Variants in DLC1 observed in about 807,000 individuals in gnomAD.
DLC1 encodes the protein rho GTPase-activating protein 7.
Under a neutral mutation model 140.3 loss-of-function variants are expected in DLC1, and 54 were observed. The observed-to-expected ratio is 0.38, with a 90% confidence interval of 0.31 to 0.48. The LOEUF (loss-of-function observed/expected upper bound fraction) is 0.48. DLC1 is among the 20% of genes least tolerant of loss of function. DLC1 has a pLI of 0.96. For missense variants in DLC1, 2,536 were observed against 1,907.0 expected (o/e 1.33, Z -6.14); for synonymous variants, 986 against 728.1 (o/e 1.35, Z -5.70).
At chr8:13,272,525 G>C (rs1830978135) in intron 5 of DLC1, among the ~76,000 whole-genome samples, 1 of 152,064 alleles carries the variant, frequency 6.6e-6, no homozygotes, top group African/African-American at 2.4e-5. Context: ...AACGTTTTTA[G>C]TTGAGTTAAA....
intron 4 of DLC1, among the ~76,000 whole-genome samples, chr8:13,364,254 C>T (rs1835378334): frequency 1.3e-5 from 2 of 151,566 alleles, no homozygotes; most frequent in African/African-American, 4.9e-5. Flanking sequence ...GCTCCCTCTT[C>T]GTAGTTAAAG....
chr8:13,276,220 A>G, intron 5 of DLC1: 1 of 1,530,622 alleles, frequency 6.5e-7, no homozygotes, highest in South Asian at 1.2e-5. Context: ...TTTCTTTTTA[A>G]TACCCCTCAC....
chr8:13,525,166 G>A (rs1268340658), intron 1 of DLC1, among the ~76,000 whole-genome samples: 1 of 152,104 alleles, frequency 6.6e-6, no homozygotes, highest in Admixed American at 6.6e-5. Context: ...GCATGTATCT[G>A]TCCTTTTTAC....
At chr8:13,172,880 A>G (rs554931987) in intron 5 of DLC1, among the ~76,000 whole-genome samples, 1 of 152,312 alleles carries the variant, frequency 6.6e-6, no homozygotes, top group African/African-American at 2.4e-5. Context: ...CTTTTCTGCC[A>G]TTAATTTCTG....
chr8:13,322,493 A>AGC (rs1833164297), intron 4 of DLC1, among the ~76,000 whole-genome samples: 1 of 39,210 alleles, frequency 2.6e-5, no homozygotes, highest in Admixed American at 4.4e-4. Context: ...CTGACATTAT[A>AGC]ACATAATTCA....
chr8:13,567,355 C>G lies in DLC1; in HGVS notation c.-126+37182G>C, dbSNP rs1213998694. On this transcript the variant is annotated intron_variant, in intron 1 of 1. Transcript: ENST00000631382. ...GGTATCAGATGAAGAATTGAATGCCCTGCAGTCTTATTGCACCATGAAGAT... is the reference window on the plus strand; with the variant it reads ...GGTATCAGATGAAGAATTGAATGCCGTGCAGTCTTATTGCACCATGAAGAT... 2.6e-6 allele frequency: 4 copies of G among 1,551,494 alleles called. No homozygotes were observed. In the African/African-American group the frequency reaches 4.1e-5, roughly 16 times the overall value.
intron 1 of DLC1, among the ~76,000 whole-genome samples, chr8:13,598,142 C>T (rs965083956): frequency 1.3e-5 from 2 of 151,558 alleles, no homozygotes; most frequent in Non-Finnish European, 2.9e-5. Flanking sequence ...TCTTTACAAA[C>T]AATTAAAATT....
intron 5 of DLC1, among the ~76,000 whole-genome samples, chr8:13,261,215 G>A (rs1830455964): frequency 1.3e-5 from 2 of 152,192 alleles, no homozygotes. Context: ...GTCCTGACTG[G>A]CCTCTCAGTA....
chr8:13,109,056 T>C (rs1585646646), intron 7 of DLC1, among the ~76,000 whole-genome samples: 1 of 152,192 alleles, frequency 6.6e-6, no homozygotes, highest in Non-Finnish European at 1.5e-5. Flanking sequence ...TGTTTTTTCC[T>C]CTCTTAAACC....
rs1373486482 is a variant in DLC1 at position 13,083,628 on chromosome 8, C to G, written c.*2183G>C. The G allele has an allele frequency of 1.3e-5, 2 of 152,640 alleles. No individual in the cohort carries two copies. The highest frequency in any genetic ancestry group is 1.5e-5 in the Non-Finnish European group (1 of 68,040). The allele number at this position is 152,640 out of a possible 1,614,324, so 9.5% of individuals were successfully genotyped here. ...GTGGCATTCACTGGTGACCCTGACT[C>G]TGCTTGCAAGCATCTTTCTGCTGTT... is the stretch of plus-strand genomic sequence containing the variant. On this transcript the variant is annotated 3_prime_UTR_variant, in exon 18 of 18. Transcript: ENST00000276297.
chr8:13,193,040 C>T (rs1339749268), intron 5 of DLC1, among the ~76,000 whole-genome samples: 1 of 152,166 alleles, frequency 6.6e-6, no homozygotes, highest in Non-Finnish European at 1.5e-5. Flanking sequence ...CATGTCTGTT[C>T]CCTTGTCCCA....
chr8:13,361,726 C>T (rs1040333504), intron 4 of DLC1, among the ~76,000 whole-genome samples: 11 of 152,258 alleles, frequency 7.2e-5, no homozygotes, highest in African/African-American at 2.6e-4. Context: ...TTTTCCCTAC[C>T]AAAATCTAAT....
intron 5 of DLC1, chr8:13,276,629 G>T (rs1424735083): frequency 6.6e-6 from 8 of 1,209,682 alleles, no homozygotes; most frequent in African/African-American, 4.8e-5. Context: ...ACACCCTCGC[G>T]GGGCGCGCGA....
chr8:13,267,586 A>T (rs1830739864), intron 5 of DLC1, among the ~76,000 whole-genome samples: 1 of 152,220 alleles, frequency 6.6e-6, no homozygotes, highest in Non-Finnish European at 1.5e-5. Context: ...CAAAGTCTAG[A>T]CACCATAAAA....
chr8:13,327,546 C>A (rs1256527422), intron 4 of DLC1, among the ~76,000 whole-genome samples: 1 of 151,706 alleles, frequency 6.6e-6, no homozygotes, highest in Non-Finnish European at 1.5e-5. Context: ...TCTTGAACTC[C>A]TGGGTTCAAG....
intron 4 of DLC1, among the ~76,000 whole-genome samples, chr8:13,329,798 C>T (rs1833510574): frequency 6.6e-6 from 1 of 152,106 alleles, no homozygotes; most frequent in Non-Finnish European, 1.5e-5. Context: ...TATGTATTTT[C>T]TTTCTTTTTG....
intron 1 of DLC1, among the ~76,000 whole-genome samples, chr8:13,512,410 C>T (rs1802415132): frequency 6.6e-6 from 1 of 152,144 alleles, no homozygotes; most frequent in Non-Finnish European, 1.5e-5. Context: ...CCCACGCTCC[C>T]ATTTTATACC....
intron 4 of DLC1, among the ~76,000 whole-genome samples, chr8:13,376,330 C>G (rs1215526623): frequency 6.6e-6 from 1 of 152,144 alleles, no homozygotes; most frequent in Non-Finnish European, 1.5e-5. Context: ...AAACGGGAAG[C>G]ATTTGCTAAT....
chr8:13,427,005 G>T (rs1838618124), intron 2 of DLC1, among the ~76,000 whole-genome samples: 1 of 152,248 alleles, frequency 6.6e-6, no homozygotes, highest in South Asian at 2.1e-4. Context: ...TCTGATGCAG[G>T]TGTGGCCCAT....
Sources: gnomAD v4.1 joint callset for allele counts (sites outside exome capture counted in the v4.1 genomes callset) on GRCh38, gnomAD v4.1.1 for gene constraint, MANE v1.5 for transcripts, NCBI Gene and HGNC (gene_info 2026-07-23, HGNC 2026-07-21) for gene names.